Variants in CUX1 observed in about 807,000 individuals in gnomAD.
The protein encoded by CUX1 is cut like homeobox 1.
A neutral mutation model predicts 158.8 loss-of-function variants in CUX1; 31 were observed. That is an observed-to-expected ratio of 0.20 (90% CI 0.15 to 0.26). The LOEUF is 0.26. CUX1 is among the 10% of genes least tolerant of loss of function. The pLI, the probability that CUX1 is intolerant of heterozygous loss-of-function variation, is 1.00. For synonymous variants in CUX1, 879 were observed against 862.1 expected, an observed-to-expected ratio of 1.02 and a Z score of -0.34; for missense variants, 1,589 against 2,014.6, an observed-to-expected ratio of 0.79 and a Z score of 4.04.
At chr7:102,267,203 C>T (rs954652418) in intron 14 of CUX1, among the ~76,000 whole-genome samples, 1 of 147,568 alleles carries the variant, frequency 6.8e-6, no homozygotes, top group African/African-American at 2.5e-5. Flanking sequence ...GTGCACCGAG[C>T]GTCTCCACCA....
chr7:102,119,097 C>G (rs1165503862), intron 8 of CUX1, among the ~76,000 whole-genome samples: 1 of 152,128 alleles, frequency 6.6e-6, no homozygotes, highest in Middle Eastern at 3.2e-3. Context: ...GTGTATAGCA[C>G]CTGGCATGGT....
chr7:102,202,241 C>A, intron 18 of CUX1, 37 bp downstream of exon 18: 1 of 1,552,904 alleles, frequency 6.4e-7, no homozygotes, highest in Non-Finnish European at 8.7e-7. Flanking sequence ...GTTCTCCCAT[C>A]TCTTCTCCTT....
chr7:101,852,857 T>C (rs1476260623), intron 1 of CUX1, among the ~76,000 whole-genome samples: 1 of 151,748 alleles, frequency 6.6e-6, no homozygotes, highest in East Asian at 2.0e-4. Flanking sequence ...TTTGTATTTT[T>C]AGTAGGGACA....
chr7:102,152,311 G>A (rs964113593), intron 8 of CUX1, among the ~76,000 whole-genome samples: 3 of 152,188 alleles, frequency 2.0e-5, no homozygotes, highest in South Asian at 4.1e-4. Context: ...AGCTATGATC[G>A]CACCACTGCA....
Position 102,074,415 on chromosome 7 carries a change from C to T in CUX1, c.268+3998C>T, listed in dbSNP as rs563586802. Among the ~76,000 whole-genome samples the T allele has an allele frequency of 2.8e-4, 43 of 152,334 alleles. No individual in the cohort carries two copies. In the South Asian group the frequency reaches 3.1e-3, roughly 11 times the overall value. On this transcript the variant is annotated intron_variant, in intron 4 of 23. Transcript: ENST00000292535. Reference sequence around the variant, plus strand: ...TCTCACCCAGCCCAGGAGTGACAGGCACCTGACCGCACCAGCTCCCACCTG... The same window carrying T: ...TCTCACCCAGCCCAGGAGTGACAGGTACCTGACCGCACCAGCTCCCACCTG...
At chr7:102,176,268 G>A (rs1369100504) in intron 10 of CUX1, among the ~76,000 whole-genome samples, 1 of 152,168 alleles carries the variant, frequency 6.6e-6, no homozygotes, top group Non-Finnish European at 1.5e-5. Flanking sequence ...TTGAAAATCC[G>A]TGGTGAGCAC....
intron 2 of CUX1, among the ~76,000 whole-genome samples, chr7:102,017,164 C>G (rs371346623): frequency 6.6e-6 from 1 of 151,558 alleles, no homozygotes; most frequent in Middle Eastern, 3.4e-3. Flanking sequence ...ATTAGCCTGA[C>G]GTGGTAGTGG....
At chr7:102,229,463 C>T (rs1167093022) in intron 21 of CUX1, among the ~76,000 whole-genome samples, 1 of 151,958 alleles carries the variant, frequency 6.6e-6, no homozygotes, top group Non-Finnish European at 1.5e-5. Flanking sequence ...AGGCATCCGC[C>T]ACCGTGCCCA....
chr7:102,261,892 G>A (rs140284164), downstream of CUX1, among the ~76,000 whole-genome samples: 1 of 152,316 alleles, frequency 6.6e-6, no homozygotes, highest in African/African-American at 2.4e-5. Context: ...CAAGGCAGGA[G>A]GATCACTTGA....
At chr7:102,189,365 CGG>C (rs369231220) in intron 11 of CUX1, among the ~76,000 whole-genome samples, 4 of 60,374 alleles carry the variant, frequency 6.6e-5, no homozygotes, top group Non-Finnish European at 1.6e-4. Context: ...TTTTTGGGTG[CGG>C]GGGGGGATGC....
At chr7:102,165,780 T>C (rs1480133971) in intron 9 of CUX1, among the ~76,000 whole-genome samples, 1 of 152,132 alleles carries the variant, frequency 6.6e-6, no homozygotes, top group Non-Finnish European at 1.5e-5. Flanking sequence ...GACCCCTGGT[T>C]CCGGCTCTCC....
intron 1 of CUX1, among the ~76,000 whole-genome samples, chr7:101,890,102 C>T (rs1054342547): frequency 1.3e-5 from 2 of 152,024 alleles, no homozygotes; most frequent in Non-Finnish European, 2.9e-5. Flanking sequence ...GAAGAGGGTG[C>T]GAGGAAAAAC....
chr7:102,040,457 C>G (rs184248485), intron 3 of CUX1, among the ~76,000 whole-genome samples: 1 of 152,156 alleles, frequency 6.6e-6, no homozygotes, highest in East Asian at 1.9e-4. Flanking sequence ...GTAGGCAGAA[C>G]CCTTAAGTCT....
At chr7:102,088,404 G>A (rs10240469) in intron 4 of CUX1, among the ~76,000 whole-genome samples, 11 of 152,102 alleles carry the variant, frequency 7.2e-5, no homozygotes, top group African/African-American at 1.9e-4. Context: ...AGGCTGAGGC[G>A]GGCAGATCGC....
At chr7:101,944,876 C>T (rs924058536) in intron 2 of CUX1, among the ~76,000 whole-genome samples, 7 of 152,146 alleles carry the variant, frequency 4.6e-5, no homozygotes, top group African/African-American at 9.7e-5. Context: ...TCACTGCTGC[C>T]GGGTTGACCC....
At chr7:101,900,355 G>A (rs1358560118) in intron 1 of CUX1, among the ~76,000 whole-genome samples, 1 of 152,202 alleles carries the variant, frequency 6.6e-6, no homozygotes, top group Non-Finnish European at 1.5e-5. Flanking sequence ...AATCACTTGC[G>A]ACGCCCGCTC....
intron 2 of CUX1, among the ~76,000 whole-genome samples, chr7:102,027,496 A>G (rs1218019900): frequency 2.6e-5 from 4 of 152,206 alleles, no homozygotes; most frequent in African/African-American, 9.6e-5. Context: ...ACTTAGACTG[A>G]CATCAGCAAA....
At chr7:102,112,484 G>A (rs1319652481) in intron 7 of CUX1, among the ~76,000 whole-genome samples, 1 of 151,968 alleles carries the variant, frequency 6.6e-6, no homozygotes, top group Non-Finnish European at 1.5e-5. Context: ...CTCATGATCC[G>A]CCCACCTCAG....
At chr7:102,157,162 A>G (rs1425174239) in intron 8 of CUX1, among the ~76,000 whole-genome samples, 1 of 152,010 alleles carries the variant, frequency 6.6e-6, no homozygotes, top group Non-Finnish European at 1.5e-5. Flanking sequence ...AAGAGGAGGA[A>G]GGAGCCTTGG....
Sources: allele counts gnomAD v4.1 joint callset (sites outside exome capture counted in the v4.1 genomes callset), GRCh38; gene constraint gnomAD v4.1.1; transcripts MANE v1.5; gene names NCBI Gene and HGNC (gene_info 2026-07-23, HGNC 2026-07-21).